RAB31: variants seen among roughly 807,000 people sequenced by gnomAD.
RAB31 encodes the protein RAB31, member RAS oncogene family, also known as ras-related protein Rab-31.
RAB31 carries 21 observed loss-of-function variants against 25.6 expected under a neutral mutation model. The observed-to-expected ratio is 0.82, with a 90% CI of 0.58 to 1.18. RAB31 has a LOEUF of 1.18. Among genes scored for constraint, RAB31 ranks in the 50% most tolerant of loss-of-function variants. The probability of loss-of-function intolerance (pLI) is 0.00; values close to 1 mark genes in which losing one functional copy is unlikely to be tolerated. For missense variants in RAB31, 196 were observed against 250.1 expected, an observed-to-expected ratio of 0.78 and a Z score of 1.46; for synonymous variants, 87 against 84.0, an observed-to-expected ratio of 1.04 and a Z score of -0.20.
At position 9,723,112 on chromosome 18, in the gene RAB31, G is replaced by T. The variant is rs186928891; in HGVS notation, c.39+14668G>T. Among the ~76,000 whole-genome samples the T allele has an allele frequency of 2.0e-3, 306 of 152,214 alleles. 2 individuals are homozygous for T. The highest frequency in any genetic ancestry group is 7.0e-3 in the African/African-American group (292 of 41,516). The stretch of plus-strand genomic sequence containing the variant: ...ACCCAGGCTGGAGTGCAGTGGTGTG[G>T]TCTTGGCTCACTGCAACCTCTGCCT... On this transcript the variant is annotated intron_variant, in intron 1 of 6. Coordinates refer to ENST00000578921, the MANE Select transcript of RAB31 (RefSeq NM_006868.4).
At chr18:9,809,885 C>T (rs1209538283) in intron 3 of RAB31, among the ~76,000 whole-genome samples, 1 of 152,208 alleles carries the variant, frequency 6.6e-6, no homozygotes, top group Non-Finnish European at 1.5e-5. Context: ...CCAGAAAGGT[C>T]ATGCTCGTTT....
intron 5 of RAB31, among the ~76,000 whole-genome samples, chr18:9,832,916 G>A (rs973725751): frequency 2.6e-5 from 4 of 152,214 alleles, no homozygotes; most frequent in African/African-American, 9.6e-5. Context: ...CAGCTGGAGA[G>A]GGAGCTTCCA....
chr18:9,750,426 G>C (rs552523994), intron 1 of RAB31, among the ~76,000 whole-genome samples: 1 of 152,140 alleles, frequency 6.6e-6, no homozygotes, highest in Non-Finnish European at 1.5e-5. Context: ...GAAGGATCCC[G>C]CCTTGTAAAA....
At chr18:9,721,060 G>A (rs935394401) in intron 1 of RAB31, among the ~76,000 whole-genome samples, 1 of 152,054 alleles carries the variant, frequency 6.6e-6, no homozygotes, top group Admixed American at 6.6e-5. Flanking sequence ...GTGATATTTG[G>A]GCTTTTTCAC....
intron 5 of RAB31, among the ~76,000 whole-genome samples, chr18:9,843,999 C>T (rs185560678): frequency 5.9e-5 from 9 of 152,216 alleles, no homozygotes; most frequent in East Asian, 1.9e-4. Flanking sequence ...GGGAGGTGGG[C>T]GCTCTCCCAT....
chr18:9,759,786 A>G (rs536553715), intron 1 of RAB31, among the ~76,000 whole-genome samples: 1 of 152,222 alleles, frequency 6.6e-6, no homozygotes, highest in African/African-American at 2.4e-5. Flanking sequence ...TTGCCTCTCT[A>G]TGGTGGTAGA....
intron 3 of RAB31, among the ~76,000 whole-genome samples, chr18:9,806,523 G>A (rs955729569): frequency 1.1e-4 from 16 of 152,150 alleles, no homozygotes; most frequent in African/African-American, 2.4e-4. Context: ...AGGGAGCAGC[G>A]AGAAGGCCGG....
At chr18:9,849,664 T>C (rs1353903103) in intron 6 of RAB31, 1 of 152,236 alleles carries the variant, frequency 6.6e-6, no homozygotes, top group African/African-American at 2.4e-5. Context: ...GAGGTTACTA[T>C]GGGGCGAGGG....
chr18:9,798,604 T>C lies in RAB31; in HGVS notation c.201+6369T>C, dbSNP rs546956350. Among the ~76,000 whole-genome samples, 8 of 145,734 alleles carry C rather than the reference T, an allele frequency of 5.5e-5. No individual in the cohort carries two copies. The South Asian group carries it at 1.8e-3, about 34-fold the overall frequency. On this transcript the variant is annotated intron_variant, in intron 3 of 6. Transcript: ENST00000578921. ...GACAATATAAAGACAGATTTCTTTT[T>C]TTCTTTCTTATTTTATTTTATTTTA...
intron 1 of RAB31, among the ~76,000 whole-genome samples, chr18:9,755,243 T>G (rs188102565): frequency 6.6e-6 from 1 of 152,362 alleles, no homozygotes; most frequent in African/African-American, 2.4e-5. Flanking sequence ...ATGTGGAACT[T>G]GGAATCTCAT....
rs182716156 is a variant in RAB31 at position 9,839,548 on chromosome 18, G to C, written c.381-6034G>C. ...CTGCAGCAGAGGCAGCGGATTGGCA[G>C]TGAGGCTGGAAGGAGGGTAAAGCAG... On this transcript the variant is annotated intron_variant, in intron 5 of 6. Coordinates refer to ENST00000578921, the MANE Select transcript of RAB31 (RefSeq NM_006868.4). Among the ~76,000 whole-genome samples the C allele has an allele frequency of 8.0e-4, 121 of 151,766 alleles. 1 individual carries two copies. The highest frequency in any genetic ancestry group is 1.9e-4 in the Non-Finnish European group (13 of 68,030).
chr18:9,763,120 G>A (rs540153978), intron 1 of RAB31, among the ~76,000 whole-genome samples: 7 of 151,752 alleles, frequency 4.6e-5, no homozygotes, highest in African/African-American at 1.5e-4. Context: ...ATGATGTCCC[G>A]GCACCGAGAC....
At chr18:9,796,577 A>G (rs997934585) in intron 3 of RAB31, among the ~76,000 whole-genome samples, 3 of 152,172 alleles carry the variant, frequency 2.0e-5, no homozygotes, top group African/African-American at 7.2e-5. Context: ...TAAGTATTAT[A>G]TTAAAATGAG....
chr18:9,739,836 G>A (rs897554557), intron 1 of RAB31, among the ~76,000 whole-genome samples: 2 of 152,202 alleles, frequency 1.3e-5, no homozygotes, highest in African/African-American at 4.8e-5. Context: ...AAATGTCATC[G>A]TTAGCTGGGT....
intron 5 of RAB31, among the ~76,000 whole-genome samples, chr18:9,824,074 T>G (rs2068636785): frequency 6.6e-6 from 1 of 152,242 alleles, no homozygotes; most frequent in Non-Finnish European, 1.5e-5. Flanking sequence ...TATTCAGAGC[T>G]TGACCTTCTT....
At position 9,710,175 on chromosome 18, in the gene RAB31, A is replaced by G. The variant is rs184620224; in HGVS notation, c.39+1731A>G. On this transcript the variant is annotated intron_variant, in intron 1 of 6. Coordinates refer to ENST00000578921, the MANE Select transcript of RAB31 (RefSeq NM_006868.4). ...TGGCAAGAACCCTGTGTCAAGAGGC[A>G]GGAAACCTAGGCTCTCGTTCTTTCC... Among the ~76,000 whole-genome samples the G allele has an allele frequency of 8.0e-3, 1,222 of 152,334 alleles. 9 individuals are homozygous for G. The highest frequency in any genetic ancestry group is 0.013 in the Non-Finnish European group (886 of 68,036).
intron 2 of RAB31, 28 bp downstream of exon 2, chr18:9,775,385 G>A (rs367947388): frequency 1.4e-5 from 22 of 1,612,746 alleles, no homozygotes; most frequent in African/African-American, 1.3e-4. Context: ...ATTCTCCTTC[G>A]CGTTGCTTCC....
chr18:9,760,996 C>T (rs1012969843), intron 1 of RAB31, among the ~76,000 whole-genome samples: 5 of 151,950 alleles, frequency 3.3e-5, no homozygotes, highest in Admixed American at 6.6e-5. Context: ...CTGAAATCCC[C>T]AATTCTCTTC....
intron 1 of RAB31, chr18:9,723,664 C>A (rs1325402964): frequency 6.6e-6 from 1 of 152,224 alleles, no homozygotes; most frequent in Non-Finnish European, 1.5e-5. Flanking sequence ...TCTGCTTCCA[C>A]TCATGGCAGA....
Sources: allele counts gnomAD v4.1 joint callset (sites outside exome capture counted in the v4.1 genomes callset), GRCh38; gene constraint gnomAD v4.1.1; transcripts MANE v1.5; gene names NCBI Gene and HGNC (gene_info 2026-07-23, HGNC 2026-07-21).